Variants in NUMB observed in about 807,000 individuals in gnomAD.
NUMB encodes the protein protein numb homolog.
A neutral mutation model predicts 59.7 loss-of-function variants in NUMB; 29 were observed. That is an observed-to-expected ratio of 0.49 (90% CI 0.36 to 0.66). The LOEUF (loss-of-function observed/expected upper bound fraction) is 0.66, where lower values mean the gene tolerates loss of function less well. Ranked by LOEUF, NUMB falls within the 30% of genes least tolerant of loss-of-function variation. The pLI is 0.00. For missense variants in NUMB, 723 were observed against 822.0 expected, an observed-to-expected ratio of 0.88 and a Z score of 1.47; for synonymous variants, 288 against 288.2, an observed-to-expected ratio of 1.00 and a Z score of 0.01.
chr14:73,278,745 T>TA lies in NUMB; in HGVS notation c.1240+535_1240+536insT, dbSNP rs201063200. On this transcript the variant is annotated intron_variant, in intron 12 of 12. Transcript: ENST00000555238. ...TCTTTTTTTTTTTTTTTTTTTTTTT[T>TA]GAGACAGAGTATTGCTCTGTTGCCC... is the stretch of plus-strand genomic sequence containing the variant. Among the ~76,000 whole-genome samples, 7 of 107,432 alleles carry TA rather than the reference T, an allele frequency of 6.5e-5. No individual in the cohort carries two copies. The East Asian group carries it at 1.0e-3, about 16-fold the overall frequency. The allele number at this position is 107,432 out of a possible 152,430, so 70.5% of individuals were successfully genotyped here.
rs774103460 is a variant in NUMB at position 73,279,316 on chromosome 14, T to G, written c.1205A>C (p.Asp402Ala). ...GGCTGCAATTTCCTTGTTAGCAGCA[T>G]CAGGGGCATGGGCCCAAGGGTTGGT... ...RETNPWAHAP[D>A]AANKEIAATC... The change falls in exon 12 of 13, where the codon GAT (aspartate) becomes GCT (alanine). Residue 402 changes from aspartate to alanine, a missense_variant. By Grantham distance (126) the Asp-to-Ala change is moderately radical. Coordinates refer to ENST00000555238, the MANE Select transcript of NUMB (RefSeq NM_001005743.2). 5.0e-6 allele frequency: 8 copies of G among 1,614,048 alleles called. No individual in the cohort carries two copies. Among genetic ancestry groups the G allele is most frequent in the Non-Finnish European group, 6.8e-6 (8 of 1,180,004 alleles).
At chr14:73,378,052 A>T (rs1307365520) in intron 2 of NUMB, among the ~76,000 whole-genome samples, 1 of 151,652 alleles carries the variant, frequency 6.6e-6, no homozygotes, top group Non-Finnish European at 1.5e-5. Flanking sequence ...AAAAAACTTA[A>T]AACTTAACAG....
rs552620736 is a variant in NUMB at position 73,336,663 on chromosome 14, C to G, written c.127-13459G>C. Among the ~76,000 whole-genome samples the G allele has an allele frequency of 3.3e-5, 5 of 152,254 alleles. No individual in the cohort carries two copies. In the East Asian group the frequency reaches 9.6e-4, roughly 29 times the overall value. On this transcript the variant is annotated intron_variant, in intron 4 of 12. Coordinates refer to ENST00000555238, the MANE Select transcript of NUMB (RefSeq NM_001005743.2). Reference sequence around the variant, plus strand: ...GGAAGTAAATCAGAGGAAGACAGAGCCTTGCCAAAACTATAATCCAGCCTC... The same window carrying G: ...GGAAGTAAATCAGAGGAAGACAGAGGCTTGCCAAAACTATAATCCAGCCTC...
chr14:73,451,707 T>C (rs1055754396), intron 1 of NUMB, among the ~76,000 whole-genome samples: 1 of 152,228 alleles, frequency 6.6e-6, no homozygotes, highest in Admixed American at 6.5e-5. Flanking sequence ...AGTATCACTA[T>C]TACTTTTCCA....
intron 2 of NUMB, among the ~76,000 whole-genome samples, chr14:73,371,629 T>TC (rs1555375636): frequency 6.6e-6 from 1 of 151,578 alleles, no homozygotes; most frequent in South Asian, 2.1e-4. Flanking sequence ...CTTGAATAGG[T>TC]CCCCCCCAAA....
intron 3 of NUMB, among the ~76,000 whole-genome samples, chr14:73,364,337 C>A (rs958794120): frequency 2.0e-5 from 3 of 151,790 alleles, no homozygotes; most frequent in Non-Finnish European, 4.4e-5. Flanking sequence ...AACCCCATCT[C>A]TACTAAAAGT....
intron 2 of NUMB, among the ~76,000 whole-genome samples, chr14:73,369,989 T>A (rs577852911): frequency 6.6e-6 from 1 of 152,354 alleles, no homozygotes; most frequent in Admixed American, 6.5e-5. Flanking sequence ...AATATTATCC[T>A]TTTGTTGTTT....
chr14:73,413,570 C>T (rs1327358363), intron 1 of NUMB, among the ~76,000 whole-genome samples: 2 of 151,554 alleles, frequency 1.3e-5, no homozygotes, highest in Non-Finnish European at 1.5e-5. Flanking sequence ...CCAGCCTGGC[C>T]AACATGGTAA....
chr14:73,350,303 A>G (rs1223255927), intron 4 of NUMB, among the ~76,000 whole-genome samples: 2 of 149,916 alleles, frequency 1.3e-5, no homozygotes, highest in African/African-American at 4.9e-5. Flanking sequence ...CCTCCCGAGT[A>G]GCTGGGGTTA....
intron 2 of NUMB, among the ~76,000 whole-genome samples, chr14:73,397,527 G>T (rs1035552611): frequency 2.0e-5 from 3 of 152,168 alleles, no homozygotes; most frequent in African/African-American, 7.2e-5. Flanking sequence ...GCTCTGGTGA[G>T]ATAGTGCTAG....
intron 6 of NUMB, among the ~76,000 whole-genome samples, chr14:73,303,030 G>A (rs954636841): frequency 5.3e-5 from 8 of 151,522 alleles, no homozygotes; most frequent in African/African-American, 1.7e-4. Flanking sequence ...CCAACCTCAC[G>A]AACATGGCGA....
intron 4 of NUMB, among the ~76,000 whole-genome samples, chr14:73,353,069 C>CTTTT (rs1566756859): frequency 1.7e-4 from 3 of 18,082 alleles, no homozygotes; most frequent in Admixed American, 7.5e-4. Context: ...CACAGTTTTT[C>CTTTT]TTGTTTTTTT....
chr14:73,403,256 T>C (rs1020973443), intron 2 of NUMB, among the ~76,000 whole-genome samples: 8 of 152,214 alleles, frequency 5.3e-5, no homozygotes, highest in East Asian at 3.8e-4. Context: ...CCCAACAATG[T>C]TGAACCATTA....
intron 1 of NUMB, among the ~76,000 whole-genome samples, chr14:73,426,515 T>G (rs1897587901): frequency 6.6e-6 from 1 of 151,972 alleles, no homozygotes. Flanking sequence ...GAGACCAGCT[T>G]GGGCAACACA....
chr14:73,348,533 T>C (rs1594933521), intron 4 of NUMB, among the ~76,000 whole-genome samples: 2 of 152,200 alleles, frequency 1.3e-5, no homozygotes, highest in African/African-American at 4.8e-5. Context: ...TCAGTGGCAG[T>C]GTTAGATTCT....
chr14:73,282,409 G>A lies in NUMB; in HGVS notation c.1046C>T (p.Pro349Leu), dbSNP rs769573586. Reference sequence around the variant, plus strand: ...CACCACTGTCACTGGTTTGGTCATCGGAGCAGATGAGAAGGGGTCCTCAGG... The same window carrying A: ...CACCACTGTCACTGGTTTGGTCATCAGAGCAGATGAGAAGGGGTCCTCAGG... ...STPEDPFSSA[P>L]MTKPVTVVAP... The change falls in exon 11 of 13, where the codon CCG (proline) becomes CTG (leucine). Residue 349 changes from proline (P) to leucine (L), a missense_variant. Around this residue, in one of 2 missense-constraint regions of NUMB, gnomAD observed 406 missense variants for 385.4 expected, o/e 1.05. Transcript: ENST00000555238. The A allele has an allele frequency of 1.2e-5, 20 of 1,614,058 alleles. No homozygotes were observed. Among genetic ancestry groups the A allele is most frequent in the South Asian group, 3.3e-5 (3 of 91,084 alleles).
In NUMB at chr14:73,405,789, T is replaced by G. The variant is rs986490082; in HGVS notation, c.-101+4148A>C. On this transcript the variant is annotated intron_variant, in intron 2 of 12. Coordinates refer to ENST00000555238, the MANE Select transcript of NUMB (RefSeq NM_001005743.2). ...GCAGGACAAACTCTGTTGTTTTGGG[T>G]TTTTTTTCTTCTCTCTCTGTCCATA... Among the ~76,000 whole-genome samples, 7 of 90,724 alleles carry G rather than the reference T, an allele frequency of 7.7e-5. No individual in the cohort carries two copies. The South Asian group carries it at 1.4e-3, about 19-fold the overall frequency. The allele number at this position is 90,724 out of a possible 152,430, so 59.5% of individuals were successfully genotyped here.
At chr14:73,412,937 T>C (rs1311433289) in intron 1 of NUMB, among the ~76,000 whole-genome samples, 1 of 151,866 alleles carries the variant, frequency 6.6e-6, no homozygotes, top group Non-Finnish European at 1.5e-5. Context: ...AATATTCTCA[T>C]AACTAGGAAA....
intron 2 of NUMB, among the ~76,000 whole-genome samples, chr14:73,397,341 T>C (rs930298589): frequency 2.6e-5 from 4 of 152,180 alleles, no homozygotes; most frequent in South Asian, 2.1e-4. Context: ...TCTATATTCA[T>C]TGATATGATA....
Sources: allele counts gnomAD v4.1 joint callset (sites outside exome capture counted in the v4.1 genomes callset), GRCh38; gene constraint gnomAD v4.1.1; regional missense constraint gnomAD v4.1.1; transcripts MANE v1.5; gene names NCBI Gene and HGNC (gene_info 2026-07-23, HGNC 2026-07-21).